The following EP400 variants were observed in gnomAD, a reference collection of about 807,000 sequenced individuals.
The protein encoded by EP400 is E1A-binding protein p400.
EP400 carries 105 observed loss-of-function variants against 354.1 expected under a neutral mutation model. That is an observed-to-expected ratio of 0.30 (90% CI 0.25 to 0.35). The LOEUF (loss-of-function observed/expected upper bound fraction) is 0.35, where lower values mean the gene tolerates loss of function less well. Among genes scored for constraint, EP400 ranks in the 10% least tolerant of loss-of-function variants. The pLI, the probability that EP400 is intolerant of heterozygous loss-of-function variation, is 1.00. For synonymous variants in EP400, 1,646 were observed against 1,716.9 expected (o/e 0.96, Z 1.02); for missense variants, 3,280 against 4,121.0 (o/e 0.80, Z 5.59).
intron 12 of EP400, among the ~76,000 whole-genome samples, chr12:132,001,805 A>G (rs947349053): frequency 1.2e-4 from 18 of 152,254 alleles, no homozygotes; most frequent in African/African-American, 4.3e-4. Flanking sequence ...CTATCTCTGT[A>G]TGGGCTGGCT....
rs905430197 is a variant in EP400 at position 132,062,302 on chromosome 12, T to C, written c.8077T>C (p.Leu2693=). 1 of 1,614,194 alleles carries C rather than the reference T, an allele frequency of 6.2e-7. No homozygotes were observed. The highest frequency in any genetic ancestry group is 1.7e-5 in the Admixed American group (1 of 60,020). Residue 2693 remains leucine, a synonymous_variant, in exon 46 of 53, where the codon TTG becomes CTG. Coordinates refer to ENST00000389561, the MANE Select transcript of EP400 (RefSeq NM_015409.5). ...CCCAGTGCAGACCCCGGCACGGTCT[T>C]TGGTGCCCCAAGTGTCCCAAGGTAA... The part of the protein sequence containing the change: ...LTPVQTPARS[L]VPQVSQATGV...
At chr12:131,985,693 C>T (rs988162626) in intron 5 of EP400, among the ~76,000 whole-genome samples, 5 of 152,260 alleles carry the variant, frequency 3.3e-5, no homozygotes, top group South Asian at 2.1e-4. Context: ...CCACAACCTC[C>T]GCCTCTTGGG....
intron 48 of EP400, chr12:132,065,372 CAGGT>C: frequency 6.3e-6 from 1 of 159,722 alleles, no homozygotes; most frequent in Non-Finnish European, 1.4e-5. Context: ...TGGCTCTCAG[CAGGT>C]GCCAGCGTCC....
rs990909530 is a variant in EP400, at chr12:131,982,158, G to A, written c.1609G>A (p.Asp537Asn). The A allele has an allele frequency of 5.0e-6, 8 of 1,601,748 alleles. No homozygotes were observed. The highest frequency in any genetic ancestry group is 1.3e-5 in the African/African-American group (1 of 74,724). Residue 537 changes from aspartate (D) to asparagine (N), a missense_variant, in exon 5 of 53, where the codon GAC becomes AAC. Physicochemically the swap from Asp to Asn is conservative, Grantham distance 23. Transcript: ENST00000389561. ...AGQRQSQQQY[D>N]PSTGPPVQNA... ...ACAGAGGCAGAGTCAGCAGCAGTAT[G>A]ACCCCTCCACGGGGCCTCCCGTGCA... is the stretch of plus-strand genomic sequence containing the variant.
In EP400 at chr12:131,990,560, T is replaced by C; in HGVS notation, c.2551-76T>C. 1 of 1,094,250 alleles carries C rather than the reference T, an allele frequency of 9.1e-7. No individual in the cohort carries two copies. Among genetic ancestry groups the C allele is most frequent in the Non-Finnish European group, 1.4e-6 (1 of 739,702 alleles). The allele number at this position is 1,094,250 out of a possible 1,614,324, so 67.8% of individuals were successfully genotyped here. A position where few individuals can be genotyped will look rare whatever the true frequency, so the allele number is the denominator to read the frequency against. ...TGTTTTCAGACTCTGCTTATGTGCT[T>C]TAGTGTTTTGTATGCAGAACGTCTG... On this transcript the variant is annotated intron_variant, in intron 8 of 52. Coordinates refer to ENST00000389561, the MANE Select transcript of EP400 (RefSeq NM_015409.5). This position sits in a 1 kb window ranked among gnomAD's most constrained non-coding sequence, Gnocchi z 4.2.
chr12:132,077,435 C>T lies in EP400; in HGVS notation c.9134C>T (p.Thr3045Met), dbSNP rs764183092. ...CAGACTGTGGCGCTCACGCAGGCGACGGCGGCCGGGCAGCAGGTGCAGATG... is the reference window on the plus strand; with the variant it reads ...CAGACTGTGGCGCTCACGCAGGCGATGGCGGCCGGGCAGCAGGTGCAGATG... ...SPQTVALTQA[T>M]AAGQQVQMIP... Residue 3045 changes from threonine to methionine, a missense_variant, in exon 53 of 53, where the codon ACG (threonine) becomes ATG (methionine). Thr to Met is a moderately conservative substitution (Grantham distance 81, BLOSUM62 -1). Coordinates refer to ENST00000389561, the MANE Select transcript of EP400 (RefSeq NM_015409.5). 38 of 1,612,608 alleles carry T rather than the reference C, an allele frequency of 2.4e-5. No homozygotes were observed. The highest frequency in any genetic ancestry group is 2.9e-5 in the Non-Finnish European group (34 of 1,179,876).
intron 23 of EP400, among the ~76,000 whole-genome samples, chr12:132,022,805 TG>T (rs1251752047): frequency 6.6e-6 from 1 of 152,128 alleles, no homozygotes; most frequent in Non-Finnish European, 1.5e-5. Flanking sequence ...GTAGACACCG[TG>T]GCTCACACCT....
intron 5 of EP400, among the ~76,000 whole-genome samples, chr12:131,983,950 G>A (rs546067501): frequency 2.0e-5 from 3 of 152,116 alleles, no homozygotes; most frequent in East Asian, 3.9e-4. Context: ...TACCCAGGCT[G>A]GAGTGCAGTG....
chr12:131,986,796 C>G lies in EP400; in HGVS notation c.2212C>G (p.Gln738Glu). 6.2e-7 allele frequency: 1 copy of G among 1,606,170 alleles called. No individual in the cohort carries two copies. The highest frequency in any genetic ancestry group is 8.5e-7 in the Non-Finnish European group (1 of 1,175,516). Residue 738 changes from glutamine (Q) to glutamate (E), a missense_variant, in exon 6 of 53, where the codon CAA (glutamine) becomes GAA (glutamate). Transcript: ENST00000389561. ...QDSSQDTLTEQITLENQVHQR... is the reference protein window; with the variant it reads ...QDSSQDTLTEEITLENQVHQR... Reference sequence around the variant, plus strand: ...CAGTTCTCAGGATACGCTGACAGAACAAATAACTCTGGTAAGCATGCTTAA... The same window carrying G: ...CAGTTCTCAGGATACGCTGACAGAAGAAATAACTCTGGTAAGCATGCTTAA...
At chr12:132,042,585 G>A (rs886788525) in intron 32 of EP400, among the ~76,000 whole-genome samples, 1 of 152,224 alleles carries the variant, frequency 6.6e-6, no homozygotes, top group Non-Finnish European at 1.5e-5. Context: ...TCGTGTCAAA[G>A]TAGTGTTATA....
chr12:131,987,678 C>T, intron 6 of EP400, 27 bp from the exon 7 acceptor site: 1 of 1,538,756 alleles, frequency 6.5e-7, no homozygotes, highest in Non-Finnish European at 8.8e-7. Context: ...CATGCCGACC[C>T]CACCATCCCC....
intron 12 of EP400, 74 bp from the exon 13 acceptor site, chr12:132,005,003 C>A: frequency 8.4e-7 from 1 of 1,187,826 alleles, no homozygotes; most frequent in African/African-American, 1.5e-5. Context: ...GTTCTCCTGG[C>A]TGCTGCTCCT....
intron 31 of EP400, 40 bp from the exon 32 acceptor site, chr12:132,037,913 G>T (rs1163993162): frequency 2.5e-6 from 4 of 1,613,836 alleles, no homozygotes; most frequent in Non-Finnish European, 3.4e-6. Context: ...ATGCACACTT[G>T]GACCTTGTAC....
chr12:132,032,079 C>T lies in EP400; in HGVS notation c.5881C>T (p.Pro1961Ser). The stretch of plus-strand genomic sequence containing the variant: ...CGTGTTTTATGACAATGACCTGAAT[C>T]CAGTGATGGATGCCAAAGCTCAGGA... The part of the protein sequence containing the change: ...TVVFYDNDLN[P>S]VMDAKAQEWC... The change falls in exon 30 of 53, where the codon CCA (proline) becomes TCA (serine). Residue 1961 changes from proline to serine, a missense_variant. By Grantham distance (74) the Pro-to-Ser change is moderately conservative (BLOSUM62 -1). Transcript: ENST00000389561. 2 of 1,614,116 alleles carry T rather than the reference C, an allele frequency of 1.2e-6. No homozygotes were observed. The highest frequency in any genetic ancestry group is 1.7e-6 in the Non-Finnish European group (2 of 1,180,012).
In EP400 at chr12:132,052,869, T is replaced by G. The variant is rs1895348602; in HGVS notation, c.7395-277T>G. ...CAGACACATGAGGTGGGCTGTGCGT[T>G]TGGGGGCTGCCACAAGTACGCTGGG... On this transcript the variant is annotated intron_variant, in intron 41 of 52. Coordinates refer to ENST00000389561, the MANE Select transcript of EP400 (RefSeq NM_015409.5). This position sits in a 1 kb window ranked among gnomAD's most constrained non-coding sequence, Gnocchi z 4.4. 6.6e-6 allele frequency among the ~76,000 whole-genome samples: 1 copy of G among 152,030 alleles called. No individual in the cohort carries two copies. The highest frequency in any genetic ancestry group is 2.1e-4 in the South Asian group (1 of 4,816).
intron 25 of EP400, among the ~76,000 whole-genome samples, chr12:132,026,956 G>A (rs984048955): frequency 1.5e-4 from 23 of 152,220 alleles, no homozygotes; most frequent in African/African-American, 5.5e-4. Context: ...TCCAGGGAAC[G>A]GATATGAAAC....
chr12:132,020,676 A>G (rs538430122), intron 22 of EP400, among the ~76,000 whole-genome samples: 2 of 152,368 alleles, frequency 1.3e-5, no homozygotes, highest in South Asian at 2.1e-4. Flanking sequence ...ATGTCCATCC[A>G]GGTTTTCTGA....
intron 12 of EP400, among the ~76,000 whole-genome samples, chr12:132,002,499 G>T (rs1488092996): frequency 6.6e-6 from 1 of 152,172 alleles, no homozygotes; most frequent in Non-Finnish European, 1.5e-5. Flanking sequence ...TTGCTGGGTG[G>T]TTGTGGCACA....
At chr12:132,063,421 A>C (rs1895772984) in intron 47 of EP400, among the ~76,000 whole-genome samples, 1 of 152,258 alleles carries the variant, frequency 6.6e-6, no homozygotes, top group Admixed American at 6.5e-5. Flanking sequence ...GAATCGCTTG[A>C]ACCTGGAAGG....
Sources: allele counts gnomAD v4.1 joint callset (sites outside exome capture counted in the v4.1 genomes callset), GRCh38; gene constraint gnomAD v4.1.1; non-coding constraint Gnocchi (gnomAD v3.1); transcripts MANE v1.5; gene names NCBI Gene and HGNC (gene_info 2026-07-23, HGNC 2026-07-21).